Variants in CDH26 observed in about 807,000 individuals in gnomAD.
CDH26 encodes the protein cadherin-like protein 26.
CDH26 carries 83 observed loss-of-function variants against 90.3 expected under a neutral mutation model. The observed-to-expected ratio is 0.92, with a 90% CI of 0.77 to 1.10. The LOEUF is 1.10. Among genes scored for constraint, CDH26 ranks in the 50% least tolerant of loss-of-function variants. CDH26 has a pLI of 0.00. For missense variants in CDH26, 1,013 were observed against 1,037.6 expected (o/e 0.98, Z 0.33); for synonymous variants, 397 against 396.3 (o/e 1.00, Z -0.02).
At chr20:59,998,721 A>T (rs1324866160) in intron 13 of CDH26, among the ~76,000 whole-genome samples, 1 of 152,106 alleles carries the variant, frequency 6.6e-6, no homozygotes, top group African/African-American at 2.4e-5. Flanking sequence ...ACATAATCTA[A>T]CTGAATCTGA....
chr20:59,965,174 A>C (rs552322901), intron 1 of CDH26, among the ~76,000 whole-genome samples: 1 of 152,180 alleles, frequency 6.6e-6, no homozygotes, highest in African/African-American at 2.4e-5. Context: ...GGAAACAAAT[A>C]TTATCGTTAG....
At chr20:60,009,051 A>G (rs1420988182) in intron 17 of CDH26, among the ~76,000 whole-genome samples, 1 of 152,172 alleles carries the variant, frequency 6.6e-6, no homozygotes, top group African/African-American at 2.4e-5. Context: ...AACCTCCCTG[A>G]GGGCCAGGCT....
chr20:60,021,857 C>CACACACACACACACACACACACACAT (rs1569068547), intron 7 of CDH26, among the ~76,000 whole-genome samples: 1,889 of 69,214 alleles, frequency 0.027, 254 homozygotes, highest in Non-Finnish European at 0.046. Flanking sequence ...TGTACACACA[C>CACACACACACACACACACACACACAT]ACACACACAC....
At chr20:60,028,126 T>C (rs182774253) in intron 7 of CDH26, among the ~76,000 whole-genome samples, 1 of 152,338 alleles carries the variant, frequency 6.6e-6, no homozygotes, top group East Asian at 1.9e-4. Context: ...TCATCACCAC[T>C]GACTGATGCT....
chr20:60,034,599 A>G (rs936125069), downstream of CDH26, among the ~76,000 whole-genome samples: 4 of 152,188 alleles, frequency 2.6e-5, no homozygotes, highest in Admixed American at 2.6e-4. Context: ...AGCCGACAGC[A>G]GTGTGGGCGC....
intron 2 of CDH26, 73 bp from the exon 3 acceptor site, chr20:59,970,009 T>A (rs1461611743): frequency 6.4e-7 from 1 of 1,561,270 alleles, no homozygotes; most frequent in Admixed American, 1.8e-5. Context: ...TTACATGAAG[T>A]AAGGGTGTGA....
rs2061998538 is a variant in CDH26 at position 60,026,427 on chromosome 20, G to GAGAGAGAGA, written c.948-4804_948-4803insAGAGAGAGA. ...GAGAGAGAGAGAGAGAGAGAGAGAG[G>GAGAGAGAGA]GAGAAGAGGAGGCAGAAGGGAGGTG... On this transcript the variant is annotated intron_variant, in intron 7 of 8. Transcript: ENST00000370991. 1.1e-3 allele frequency among the ~76,000 whole-genome samples: 134 copies of GAGAGAGAGA among 116,878 alleles called. 2 individuals are homozygous for GAGAGAGAGA. The highest frequency in any genetic ancestry group is 4.0e-3 in the African/African-American group (121 of 30,274). The allele number at this position is 116,878 out of a possible 152,430, so 76.7% of individuals were successfully genotyped here. A position where few individuals can be genotyped will look rare whatever the true frequency, so the allele number is the denominator to read the frequency against.
rs1287688778 is a variant in CDH26, at chr20:60,007,400, G to A, written c.2295+613G>A. Among the ~76,000 whole-genome samples, 140 of 152,324 alleles carry A rather than the reference G, an allele frequency of 9.2e-4. 1 individual carries two copies. Among genetic ancestry groups the A allele is most frequent in the Non-Finnish European group, 1.8e-4 (12 of 68,028 alleles). On this transcript the variant is annotated intron_variant, in intron 17 of 17. Transcript: ENST00000348616. ...TGGGAAATAATTCAAAGGTGAGGTGGAGGTGTTAGACAGCAGTCTTCTATT... is the reference window on the plus strand; with the variant it reads ...TGGGAAATAATTCAAAGGTGAGGTGAAGGTGTTAGACAGCAGTCTTCTATT...
chr20:60,017,245 T>G (rs2061912964), downstream of CDH26, among the ~76,000 whole-genome samples: 1 of 152,084 alleles, frequency 6.6e-6, no homozygotes, highest in Non-Finnish European at 1.5e-5. Context: ...GGCCCTGAAC[T>G]TTCTTTTCTT....
At chr20:60,028,911 C>A (rs1041819280) in intron 7 of CDH26, among the ~76,000 whole-genome samples, 2 of 152,156 alleles carry the variant, frequency 1.3e-5, no homozygotes, top group African/African-American at 4.8e-5. Context: ...TTCACGGTCC[C>A]CATGGTGTGG....
At chr20:59,978,321 C>CAG (rs1825421598) in intron 4 of CDH26, among the ~76,000 whole-genome samples, 1 of 151,810 alleles carries the variant, frequency 6.6e-6, no homozygotes, top group African/African-American at 2.4e-5. Flanking sequence ...CCCAAAGTGG[C>CAG]TGCACCATTT....
rs541268975 is a variant in CDH26 at position 60,006,697 on chromosome 20, A to G, written c.2221-16A>G. On this transcript the variant is annotated splice_polypyrimidine_tract_variant and intron_variant, in intron 16 of 17. Transcript: ENST00000348616. ...GGGCTCTGCTGTGGTATGAAGCTCT[A>G]CTGGTTTGCTTGCAGGCTTACCCAG... The G allele has an allele frequency of 1.9e-5, 30 of 1,606,480 alleles. No homozygotes were observed. In the Middle Eastern group the frequency reaches 6.6e-4, roughly 35 times the overall value.
intron 6 of CDH26, 40 bp downstream of exon 6, chr20:59,984,845 G>C: frequency 6.3e-7 from 1 of 1,585,472 alleles, no homozygotes. Flanking sequence ...TGAAATGTGT[G>C]GCCCATCCTT....
intron 13 of CDH26, among the ~76,000 whole-genome samples, 184 bp downstream of exon 13, chr20:59,996,945 G>A (rs2061606116): frequency 1.3e-5 from 2 of 152,160 alleles, no homozygotes; most frequent in Non-Finnish European, 2.9e-5. Flanking sequence ...TATTCTTTTA[G>A]ATCAATGGTT....
In CDH26 at chr20:60,003,547, T is replaced by C. The variant is rs117551971; in HGVS notation, c.2220+681T>C. On this transcript the variant is annotated intron_variant, in intron 16 of 17. Coordinates refer to ENST00000348616, the MANE Select transcript of CDH26 (RefSeq NM_177980.4). ...GGTTTTTGAATAGCTCAGTTTACAA[T>C]GTTAGGATTCTCTTTGATTAATGAA... 9.3e-3 allele frequency among the ~76,000 whole-genome samples: 1,419 copies of C among 152,260 alleles called. 10 individuals are homozygous for C. Among genetic ancestry groups the C allele is most frequent in the Middle Eastern group, 0.038 (11 of 292 alleles).
At chr20:59,997,298 G>A (rs1255755689) in intron 13 of CDH26, among the ~76,000 whole-genome samples, 1 of 152,226 alleles carries the variant, frequency 6.6e-6, no homozygotes, top group East Asian at 1.9e-4. Context: ...ACCATTGTCC[G>A]GCAAAGGCCA....
chr20:59,999,605 G>C lies in CDH26; in HGVS notation c.2039G>C (p.Gly680Ala). The C allele has an allele frequency of 6.2e-7, 1 of 1,614,060 alleles. No individual in the cohort carries two copies. Among genetic ancestry groups the C allele is most frequent in the Non-Finnish European group, 8.5e-7 (1 of 1,179,964 alleles). The change falls in exon 14 of 18, where the codon GGC becomes GCC. Residue 680 changes from glycine (G) to alanine (A), a missense_variant. Coordinates refer to ENST00000348616, the MANE Select transcript of CDH26 (RefSeq NM_177980.4). ...CTACAGACATGGTCAGATGTTGAAG[G>C]CCAGAGGCCGGCTCTGCTCATCTGC... ...TSAQTWSDVE[G>A]QRPALLICTA...
intron 9 of CDH26, among the ~76,000 whole-genome samples, chr20:59,990,587 A>G (rs2061515946): frequency 1.3e-5 from 2 of 152,234 alleles, no homozygotes; most frequent in Non-Finnish European, 1.5e-5. Context: ...ATAAGTTTGC[A>G]AAATATAATG....
chr20:60,018,535 G>T (rs1370513099), downstream of CDH26, among the ~76,000 whole-genome samples: 1 of 151,708 alleles, frequency 6.6e-6, no homozygotes, highest in African/African-American at 2.4e-5. Context: ...ATATAGTTGG[G>T]TTATTTTAAA....
Sources: gnomAD v4.1 joint callset for allele counts (sites outside exome capture counted in the v4.1 genomes callset) on GRCh38, gnomAD v4.1.1 for gene constraint, MANE v1.5 for transcripts, NCBI Gene and HGNC (gene_info 2026-07-23, HGNC 2026-07-21) for gene names.